CERS6: variants seen among roughly 807,000 people sequenced by gnomAD.
CERS6 encodes ceramide synthase 6.
CERS6 carries 26 observed loss-of-function variants against 56.8 expected under a neutral mutation model. The ratio of observed to expected loss-of-function variants is 0.46; its 90% CI spans 0.34 to 0.63. CERS6 has a LOEUF of 0.63. Among genes scored for constraint, CERS6 ranks in the 30% least tolerant of loss-of-function variants. CERS6 has a pLI of 0.01. For synonymous variants in CERS6, 164 were observed against 173.3 expected, an observed-to-expected ratio of 0.95 and a Z score of 0.42; for missense variants, 415 against 467.5, an observed-to-expected ratio of 0.89 and a Z score of 1.04.
chr2:168,744,205 C>T lies in CERS6; in HGVS notation c.846-21387C>T, dbSNP rs374226981. On this transcript the variant is annotated intron_variant, in intron 8 of 9. Transcript: ENST00000305747. ...TATTTTTAGTAGAGACGGGGTTTCA[C>T]CGTGTTAGCCAGGATGGTCTCTATC... is the stretch of plus-strand genomic sequence containing the variant. Among the ~76,000 whole-genome samples, 19 of 151,910 alleles carry T rather than the reference C, an allele frequency of 1.3e-4. 1 individual carries two copies. Among genetic ancestry groups the T allele is most frequent in the Admixed American group, 4.6e-4 (7 of 15,258 alleles).
At chr2:168,711,598 G>A (rs987694372) in intron 6 of CERS6, among the ~76,000 whole-genome samples, 3 of 151,944 alleles carry the variant, frequency 2.0e-5, no homozygotes, top group African/African-American at 7.3e-5. Context: ...GCTGGGCGTG[G>A]TGGCTCACAC....
intron 4 of CERS6, among the ~76,000 whole-genome samples, chr2:168,648,580 G>T (rs540082863): frequency 1.3e-5 from 2 of 152,002 alleles, no homozygotes; most frequent in Non-Finnish European, 2.9e-5. Context: ...GGGTTCATTT[G>T]TTCTTGTTCC....
At chr2:168,619,860 G>T (rs1316108023) in intron 3 of CERS6, among the ~76,000 whole-genome samples, 1 of 151,546 alleles carries the variant, frequency 6.6e-6, no homozygotes, top group Non-Finnish European at 1.5e-5. Context: ...AAGTCATTAT[G>T]TGAAAAAGAT....
chr2:168,726,505 G>A (rs531183491), intron 8 of CERS6, among the ~76,000 whole-genome samples: 35 of 152,196 alleles, frequency 2.3e-4, no homozygotes, highest in Non-Finnish European at 4.6e-4. Context: ...AAAGAAAGGA[G>A]AAAATTCACA....
chr2:168,651,777 G>T (rs1334735810), intron 4 of CERS6, among the ~76,000 whole-genome samples: 1 of 152,120 alleles, frequency 6.6e-6, no homozygotes, highest in Admixed American at 6.5e-5. Flanking sequence ...ATGAGATTTG[G>T]GTGGGGACAC....
At chr2:168,728,942 G>A (rs542114941) in intron 8 of CERS6, among the ~76,000 whole-genome samples, 126 of 150,960 alleles carry the variant, frequency 8.3e-4, no homozygotes, top group Non-Finnish European at 1.6e-3. Context: ...CCCGGGATGC[G>A]GAGGTTGCAG....
At chr2:168,749,875 G>A (rs1684211309) in intron 8 of CERS6, among the ~76,000 whole-genome samples, 1 of 152,254 alleles carries the variant, frequency 6.6e-6, no homozygotes, top group South Asian at 2.1e-4. Flanking sequence ...GTGTGCTCCT[G>A]CAGAGCAGGG....
In CERS6 at chr2:168,492,135, A is replaced by G. The variant is rs554853261; in HGVS notation, c.170+35517A>G. ...TTTATAATCCTTTGGGTATATACCCAGTAATGGGATTGCTGGGTCAAATGG... is the reference window on the plus strand; with the variant it reads ...TTTATAATCCTTTGGGTATATACCCGGTAATGGGATTGCTGGGTCAAATGG... On this transcript the variant is annotated intron_variant, in intron 1 of 9. Coordinates refer to ENST00000305747, the MANE Select transcript of CERS6 (RefSeq NM_203463.3). Among the ~76,000 whole-genome samples, 7 of 152,352 alleles carry G rather than the reference A, an allele frequency of 4.6e-5. No homozygotes were observed. In the South Asian group the frequency reaches 1.4e-3, roughly 32 times the overall value.
rs900219781 is a variant in CERS6, at chr2:168,475,122, C to T, written c.170+18504C>T. ...CCTTTTAGTCATCATATTATCTCAT[C>T]GTGCTTGTCTACTTGGGAAAAGTTA... On this transcript the variant is annotated intron_variant, in intron 1 of 9. Transcript: ENST00000305747. 5.3e-5 allele frequency among the ~76,000 whole-genome samples: 8 copies of T among 152,176 alleles called. No individual in the cohort carries two copies. In the East Asian group the frequency reaches 7.7e-4, roughly 15 times the overall value.
At chr2:168,502,336 C>T (rs956710928) in intron 1 of CERS6, among the ~76,000 whole-genome samples, 1 of 151,786 alleles carries the variant, frequency 6.6e-6, no homozygotes, top group African/African-American at 2.4e-5. Flanking sequence ...GTGAGACAGT[C>T]AGAGTATGGA....
At chr2:168,717,522 T>C (rs1687254214) in intron 7 of CERS6, among the ~76,000 whole-genome samples, 1 of 152,204 alleles carries the variant, frequency 6.6e-6, no homozygotes, top group African/African-American at 2.4e-5. Flanking sequence ...TCTGTTTTGG[T>C]GTCTCTGGCT....
chr2:168,724,668 G>C (rs911918867), intron 8 of CERS6, among the ~76,000 whole-genome samples: 2 of 152,080 alleles, frequency 1.3e-5, no homozygotes. Flanking sequence ...TAGATACAGA[G>C]TGTCGATTGG....
chr2:168,559,733 T>TTTTTTATATATATATA (rs61031993), intron 2 of CERS6, among the ~76,000 whole-genome samples: 2 of 66,240 alleles, frequency 3.0e-5, no homozygotes, highest in African/African-American at 9.9e-5. Flanking sequence ...TAGAAAGGTA[T>TTTTTTATATATATATA]CATATATATA....
chr2:168,518,121 T>A (rs917715511), intron 1 of CERS6, among the ~76,000 whole-genome samples: 1 of 152,222 alleles, frequency 6.6e-6, no homozygotes, highest in African/African-American at 2.4e-5. Flanking sequence ...TTATTTTTCA[T>A]TGGGAATCTA....
chr2:168,746,775 G>GTATACATATATATATATATATA (rs1684107731), intron 8 of CERS6, among the ~76,000 whole-genome samples: 1 of 38,992 alleles, frequency 2.6e-5, no homozygotes, highest in African/African-American at 7.8e-5. Flanking sequence ...AGGGTAAAGG[G>GTATACATATATATATATATATA]TATATATATA....
intron 3 of CERS6, among the ~76,000 whole-genome samples, chr2:168,589,524 C>G (rs1683624333): frequency 1.3e-5 from 2 of 152,178 alleles, no homozygotes; most frequent in Non-Finnish European, 2.9e-5. Flanking sequence ...TTTGTGAAAG[C>G]AAGTGAGCTT....
At chr2:168,659,776 G>T (rs565697532) in intron 4 of CERS6, among the ~76,000 whole-genome samples, 1 of 151,856 alleles carries the variant, frequency 6.6e-6, no homozygotes, top group Admixed American at 6.6e-5. Context: ...AATGTCCCTG[G>T]TACCTGACAC....
intron 1 of CERS6, among the ~76,000 whole-genome samples, chr2:168,527,109 C>T (rs1026451066): frequency 2.0e-5 from 3 of 152,150 alleles, no homozygotes; most frequent in Non-Finnish European, 4.4e-5. Context: ...TAGAGGGAGG[C>T]TGCTTGGCTG....
rs186966113 is a variant in CERS6, at chr2:168,486,721, T to C, written c.170+30103T>C. On this transcript the variant is annotated intron_variant, in intron 1 of 9. Coordinates refer to ENST00000305747, the MANE Select transcript of CERS6 (RefSeq NM_203463.3). ...GTACTTGCTTTGGGTTCCTCCTGTG[T>C]TGATCCTCCTTATCTTAATAATATA... Among the ~76,000 whole-genome samples, 8 of 152,272 alleles carry C rather than the reference T, an allele frequency of 5.3e-5. No individual in the cohort carries two copies. In the East Asian group the frequency reaches 1.3e-3, roughly 26 times the overall value.
Sources: gnomAD v4.1 joint callset for allele counts (sites outside exome capture counted in the v4.1 genomes callset) on GRCh38, gnomAD v4.1.1 for gene constraint, MANE v1.5 for transcripts, NCBI Gene and HGNC (gene_info 2026-07-23, HGNC 2026-07-21) for gene names.